The following DPP6 variants were observed in gnomAD, a reference collection of about 807,000 sequenced individuals.
The protein encoded by DPP6 is dipeptidyl peptidase like 6, also known as A-type potassium channel modulatory protein DPP6.
Under a neutral mutation model 122.6 loss-of-function variants are expected in DPP6, and 69 were observed. The ratio of observed to expected loss-of-function variants is 0.56; its 90% CI spans 0.46 to 0.69. The LOEUF is 0.69. Among genes scored for constraint, DPP6 ranks in the 30% least tolerant of loss-of-function variants. The pLI is 0.00. For synonymous variants in DPP6, 418 were observed against 433.1 expected, an observed-to-expected ratio of 0.97 and a Z score of 0.43; for missense variants, 928 against 1,116.9, an observed-to-expected ratio of 0.83 and a Z score of 2.41.
At chr7:154,011,508 A>G (rs1224893987) in intron 1 of DPP6, among the ~76,000 whole-genome samples, 2 of 152,234 alleles carry the variant, frequency 1.3e-5, no homozygotes, top group African/African-American at 4.8e-5. Flanking sequence ...TGTCAGATCT[A>G]AGAAATAAAT....
intron 1 of DPP6, among the ~76,000 whole-genome samples, chr7:154,444,750 C>G (rs1819708824): frequency 6.6e-6 from 1 of 152,214 alleles, no homozygotes; most frequent in Admixed American, 6.5e-5. Context: ...AAATGAAAAG[C>G]TGCTGAATTA....
chr7:154,335,104 G>T (rs949618932), intron 1 of DPP6, among the ~76,000 whole-genome samples: 1 of 152,156 alleles, frequency 6.6e-6, no homozygotes, highest in African/African-American at 2.4e-5. Context: ...TGACCCATAA[G>T]GGAGGGGTGA....
intron 1 of DPP6, among the ~76,000 whole-genome samples, chr7:154,443,531 G>A (rs200485447): frequency 7.6e-6 from 1 of 131,154 alleles, no homozygotes; most frequent in African/African-American, 3.4e-5. Context: ...TGGATGGATG[G>A]ATGGATGGAT....
At chr7:153,768,296 G>A in the DPP6 span, among the ~76,000 whole-genome samples, 63,065 of 147,678 alleles carry the variant, frequency 0.43, 13,683 homozygotes, top group South Asian at 0.52. Context: ...TTAAAGGAGA[G>A]GGTACCATAT....
intron 1 of DPP6, among the ~76,000 whole-genome samples, chr7:153,916,195 G>C (rs540138179): frequency 5.9e-5 from 9 of 151,568 alleles, no homozygotes; most frequent in South Asian, 4.1e-4. Flanking sequence ...GGATAGTCTC[G>C]ATCTCCTGAC....
At chr7:154,846,365 T>G (rs1310882478) in intron 16 of DPP6, among the ~76,000 whole-genome samples, 1 of 152,130 alleles carries the variant, frequency 6.6e-6, no homozygotes, top group African/African-American at 2.4e-5. Flanking sequence ...CTCAGCCTGT[T>G]CCAGATGAAG....
exon 1 of DPP6, chr7:153,887,547 C>T: frequency 2.1e-6 from 2 of 970,330 alleles, no homozygotes; most frequent in Non-Finnish European, 3.2e-6. Context: ...AAACTGAAGA[C>T]CTGGAAGATT....
intron 1 of DPP6, among the ~76,000 whole-genome samples, chr7:153,988,705 A>T (rs1260227261): frequency 1.3e-5 from 2 of 152,182 alleles, no homozygotes; most frequent in African/African-American, 4.8e-5. Context: ...GGCAGGCTGG[A>T]GTTGAAGAGC....
chr7:154,200,105 A>G (rs144529667), intron 1 of DPP6, among the ~76,000 whole-genome samples: 1,776 of 152,202 alleles, frequency 0.012, 38 homozygotes, highest in African/African-American at 0.04. Context: ...GAACACATAC[A>G]TCGGTCATCA....
chr7:153,942,654 A>G (rs76706993), intron 1 of DPP6, among the ~76,000 whole-genome samples: 21,818 of 152,194 alleles, frequency 0.14, 1,802 homozygotes, highest in African/African-American at 0.22. Context: ...ATGTACATCT[A>G]GGCCTGTCTG....
At chr7:154,445,224 T>C (rs1819757187) in intron 1 of DPP6, among the ~76,000 whole-genome samples, 1 of 152,230 alleles carries the variant, frequency 6.6e-6, no homozygotes, top group Non-Finnish European at 1.5e-5. Flanking sequence ...TTATGTGCAC[T>C]ATAAGAGTGT....
intron 1 of DPP6, among the ~76,000 whole-genome samples, chr7:154,442,152 A>G (rs938098879): frequency 6.6e-6 from 1 of 152,140 alleles, no homozygotes; most frequent in African/African-American, 2.4e-5. Flanking sequence ...CCATCCATTC[A>G]TCCACTCAAC....
intron 5 of DPP6, among the ~76,000 whole-genome samples, chr7:154,567,415 A>G (rs1000264370): frequency 7.2e-5 from 11 of 152,160 alleles, no homozygotes; most frequent in African/African-American, 2.7e-4. Flanking sequence ...ATAAAATTTC[A>G]CCAGAATTTT....
chr7:154,530,151 A>G (rs1827726986), intron 3 of DPP6, among the ~76,000 whole-genome samples: 1 of 152,070 alleles, frequency 6.6e-6, no homozygotes, highest in Non-Finnish European at 1.5e-5. Flanking sequence ...GAAAAAGAAA[A>G]AAAAGAAGGA....
chr7:154,863,201 CCCTTT>C lies in DPP6; in HGVS notation c.1715-4788_1715-4784del, dbSNP rs1416191853. ...ACAGACGTGAGCCACCGCACCCGAACCCTTTCCTTTGTCTTTTCTATTTTGTTCAT... is the reference window on the plus strand; with the variant it reads ...ACAGACGTGAGCCACCGCACCCGAACCCTTTGTCTTTTCTATTTTGTTCAT... On this transcript the variant is annotated intron_variant, in intron 17 of 25. Coordinates refer to ENST00000377770, the MANE Select transcript of DPP6 (RefSeq NM_130797.4). This position sits in a 1 kb window ranked among gnomAD's most constrained non-coding sequence, Gnocchi z 4.1. 2.6e-4 allele frequency among the ~76,000 whole-genome samples: 39 copies of C among 152,192 alleles called. No individual in the cohort carries two copies. Among genetic ancestry groups the C allele is most frequent in the African/African-American group, 9.4e-4 (39 of 41,446 alleles).
chr7:154,312,681 T>A (rs7788873), intron 1 of DPP6, among the ~76,000 whole-genome samples: 4 of 151,976 alleles, frequency 2.6e-5, no homozygotes, highest in Admixed American at 2.0e-4. Context: ...AACACCGTGG[T>A]GATGGCGGGG....
rs149539581 is a variant in DPP6, at chr7:154,601,332, G to A, written c.627+34416G>A. ...AATCTCTCATTGTATTTGGAGATTT[G>A]TCTAGTTCTCTTTTCAAATCTGTCA... On this transcript the variant is annotated intron_variant, in intron 5 of 25. Coordinates refer to ENST00000377770, the MANE Select transcript of DPP6 (RefSeq NM_130797.4). Among the ~76,000 whole-genome samples the A allele has an allele frequency of 1.1e-3, 129 of 121,274 alleles. 17 individuals carry two copies. Among genetic ancestry groups the A allele is most frequent in the African/African-American group, 3.1e-3 (120 of 38,180 alleles). 79.6% of individuals were successfully genotyped at this position (121,274 alleles called of 152,430 possible).
intron 16 of DPP6, among the ~76,000 whole-genome samples, chr7:154,824,979 G>C (rs1800047636): frequency 6.6e-6 from 1 of 152,174 alleles, no homozygotes; most frequent in African/African-American, 2.4e-5. Context: ...CAGTATTTCA[G>C]CAGAAGTACT....
chr7:154,294,229 G>T (rs1168849728), intron 1 of DPP6, among the ~76,000 whole-genome samples: 1 of 152,180 alleles, frequency 6.6e-6, no homozygotes, highest in Admixed American at 6.5e-5. Context: ...CTTCCCATAA[G>T]CCTGGGGTAG....
Sources: gnomAD v4.1 joint callset for allele counts (sites outside exome capture counted in the v4.1 genomes callset) on GRCh38, gnomAD v4.1.1 for gene constraint, Gnocchi (gnomAD v3.1) non-coding constraint, MANE v1.5 for transcripts, NCBI Gene and HGNC (gene_info 2026-07-23, HGNC 2026-07-21) for gene names.